MCTP2: variants seen among roughly 807,000 people sequenced by gnomAD.
The protein encoded by MCTP2 is multiple C2 and transmembrane domain-containing protein 2.
Under a neutral mutation model 111.6 loss-of-function variants are expected in MCTP2, and 132 were observed. That is an observed-to-expected ratio of 1.18 (90% confidence interval 1.03 to 1.37). The LOEUF (loss-of-function observed/expected upper bound fraction) is 1.37. Among genes scored for constraint, MCTP2 ranks in the 40% most tolerant of loss-of-function variants. The pLI is 0.00. For synonymous variants in MCTP2, 395 were observed against 387.7 expected (o/e 1.02, Z -0.22); for missense variants, 1,183 against 1,067.9 (o/e 1.11, Z -1.50).
At chr15:94,291,350 C>T (rs1389455215) in intron 1 of MCTP2, among the ~76,000 whole-genome samples, 3 of 152,178 alleles carry the variant, frequency 2.0e-5, no homozygotes, top group Non-Finnish European at 4.4e-5. Flanking sequence ...CACCTGTAAT[C>T]CCAGTGCTTT....
At chr15:94,307,408 G>C (rs117680510) in intron 2 of MCTP2, among the ~76,000 whole-genome samples, 2,654 of 152,238 alleles carry the variant, frequency 0.017, 42 homozygotes, top group South Asian at 0.05. Context: ...CAGAAAAAGA[G>C]AACAGCAAGC....
At position 94,236,377 on chromosome 15, in the gene MCTP2, C is replaced by CTTTTTTTT. The variant is rs71132992; in HGVS notation, c.-66+4734_-66+4741dup. ...TATGATTCAATCCTTTCTTTTTTTT[C>CTTTTTTTT]TTTTTTTTTTTTTTTTTTTTTTTTT... On this transcript the variant is annotated intron_variant, in intron 1 of 22. Coordinates refer to ENST00000357742, the MANE Select transcript of MCTP2 (RefSeq NM_001385001.1). Among the ~76,000 whole-genome samples, 242 of 72,534 alleles carry CTTTTTTTT rather than the reference C, an allele frequency of 3.3e-3. 16 individuals are homozygous for CTTTTTTTT. The highest frequency in any genetic ancestry group is 3.8e-3 in the African/African-American group (73 of 19,030). The allele number at this position is 72,534 out of a possible 152,430, so 47.6% of individuals were successfully genotyped here.
chr15:94,313,707 AAAAC>A lies in MCTP2; in HGVS notation c.466-563_466-560del, dbSNP rs760284686. On this transcript the variant is annotated intron_variant, in intron 2 of 22. Coordinates refer to ENST00000357742, the MANE Select transcript of MCTP2 (RefSeq NM_001385001.1). ...CAGAGTGAGACTCTGTCTAAAAAAA[AAAAC>A]AAACAAACAAATACTGGGAAACATA... 3.1e-3 allele frequency among the ~76,000 whole-genome samples: 472 copies of A among 152,166 alleles called. 1 individual carries two copies. The highest frequency in any genetic ancestry group is 5.2e-3 in the Admixed American group (79 of 15,286).
intron 1 of MCTP2, among the ~76,000 whole-genome samples, chr15:94,252,002 A>G (rs2072466225): frequency 6.6e-6 from 1 of 152,146 alleles, no homozygotes; most frequent in South Asian, 2.1e-4. Flanking sequence ...AATATGTTGT[A>G]TGTATTTATC....
Position 94,480,263 on chromosome 15 carries a change from T to G in MCTP2, c.*1229T>G, listed in dbSNP as rs908551814. On this transcript the variant is annotated 3_prime_UTR_variant, in exon 23 of 23. Transcript: ENST00000357742. ...ACATACTTTGTGCAGTTTTTATGTATGTATGTATTATAAAAAAAGTTAAGG... is the reference window on the plus strand; with the variant it reads ...ACATACTTTGTGCAGTTTTTATGTAGGTATGTATTATAAAAAAAGTTAAGG... The G allele has an allele frequency of 3.3e-5, 5 of 152,208 alleles. No homozygotes were observed. Among genetic ancestry groups the G allele is most frequent in the African/African-American group, 1.2e-4 (5 of 41,448 alleles). 9.4% of individuals were successfully genotyped at this position (152,208 alleles called of 1,614,324 possible).
At chr15:94,450,563 T>G (rs2084382137) in intron 19 of MCTP2, among the ~76,000 whole-genome samples, 2 of 152,284 alleles carry the variant, frequency 1.3e-5, no homozygotes, top group Admixed American at 1.3e-4. Context: ...TTCTAATGTT[T>G]ATAATTCTTC....
intron 1 of MCTP2, among the ~76,000 whole-genome samples, chr15:94,246,953 G>A (rs1240913872): frequency 3.3e-5 from 5 of 152,150 alleles, no homozygotes; most frequent in African/African-American, 9.7e-5. Flanking sequence ...TGCCATCTTT[G>A]ATAGTAACTC....
At chr15:94,366,860 C>T (rs2079210318) in intron 10 of MCTP2, among the ~76,000 whole-genome samples, 1 of 152,188 alleles carries the variant, frequency 6.6e-6, no homozygotes, top group African/African-American at 2.4e-5. Flanking sequence ...CCTCAGTCCC[C>T]CTTTTTGGTG....
At chr15:94,468,671 G>C (rs1481346943) in intron 20 of MCTP2, among the ~76,000 whole-genome samples, 1 of 152,188 alleles carries the variant, frequency 6.6e-6, no homozygotes, top group East Asian at 1.9e-4. Context: ...GTCTCACTCT[G>C]TTGCCCAGGC....
intron 12 of MCTP2, 65 bp downstream of exon 12, chr15:94,370,245 C>T: frequency 1.5e-6 from 2 of 1,313,978 alleles, no homozygotes. Context: ...AATCTCCTGG[C>T]AAAGCAAAAT....
intron 1 of MCTP2, among the ~76,000 whole-genome samples, chr15:94,247,298 T>C (rs2072086469): frequency 6.6e-6 from 1 of 152,156 alleles, no homozygotes; most frequent in Non-Finnish European, 1.5e-5. Flanking sequence ...CTGCTGCCCT[T>C]TCTTAGTCCC....
intron 17 of MCTP2, chr15:94,402,698 T>G (rs1373335092): frequency 1.8e-5 from 27 of 1,466,630 alleles, no homozygotes; most frequent in Non-Finnish European, 2.4e-5. Context: ...TTTCTCTCAT[T>G]TGTAAAGGGA....
chr15:94,444,006 ACAG>A (rs2083972825), intron 19 of MCTP2, among the ~76,000 whole-genome samples: 4 of 144,222 alleles, frequency 2.8e-5, no homozygotes, highest in African/African-American at 1.1e-4. Context: ...AAAAAAAAAA[ACAG>A]AAGTATTAGT....
intron 17 of MCTP2, among the ~76,000 whole-genome samples, chr15:94,410,740 C>T (rs533925666): frequency 3.3e-5 from 5 of 152,160 alleles, no homozygotes; most frequent in Admixed American, 6.5e-5. Flanking sequence ...ATGTTGGGTA[C>T]ACAGTAGGCA....
At chr15:94,399,746 A>G (rs1383389001) in intron 15 of MCTP2, 175 bp from the exon 16 acceptor site, 1 of 595,856 alleles carries the variant, frequency 1.7e-6, no homozygotes, top group African/African-American at 1.9e-5. Flanking sequence ...GACTCTTATC[A>G]AATGAGACCT....
chr15:94,245,722 AT>A (rs2071934521), intron 1 of MCTP2, among the ~76,000 whole-genome samples: 4 of 147,460 alleles, frequency 2.7e-5, no homozygotes, highest in African/African-American at 7.5e-5. Context: ...GTGTGTATAT[AT>A]ATATATATAT....
chr15:94,470,712 A>G (rs2073852224), intron 21 of MCTP2, among the ~76,000 whole-genome samples: 1 of 152,258 alleles, frequency 6.6e-6, no homozygotes, highest in African/African-American at 2.4e-5. Flanking sequence ...TTTGCTAGTC[A>G]TAAATCCTCT....
chr15:94,478,497 C>T (rs542178874), intron 22 of MCTP2, among the ~76,000 whole-genome samples: 4 of 152,294 alleles, frequency 2.6e-5, no homozygotes, highest in African/African-American at 9.6e-5. Flanking sequence ...ATATAAAAGT[C>T]TGGGGTCCAG....
intron 1 of MCTP2, among the ~76,000 whole-genome samples, chr15:94,271,818 G>C (rs1458806110): frequency 6.6e-6 from 1 of 152,092 alleles, no homozygotes; most frequent in Admixed American, 6.5e-5. Flanking sequence ...ACCAGAAATG[G>C]CTTTGGAACA....
Sources: gnomAD v4.1 joint callset for allele counts (sites outside exome capture counted in the v4.1 genomes callset) on GRCh38, gnomAD v4.1.1 for gene constraint, MANE v1.5 for transcripts, NCBI Gene and HGNC (gene_info 2026-07-23, HGNC 2026-07-21) for gene names.